The following REC114 variants were observed in gnomAD, a reference collection of about 807,000 sequenced individuals.
REC114 encodes meiotic recombination protein REC114.
A neutral mutation model predicts 31.3 loss-of-function variants in REC114; 27 were observed. The ratio of observed to expected loss-of-function variants is 0.86; its 90% confidence interval spans 0.64 to 1.19. The LOEUF (loss-of-function observed/expected upper bound fraction) is 1.19. REC114 is among the 50% of genes most tolerant of loss of function. REC114 has a pLI of 0.00. For synonymous variants in REC114, 134 were observed against 127.7 expected (o/e 1.05, Z -0.33); for missense variants, 344 against 326.9 (o/e 1.05, Z -0.40).
At chr15:73,551,233 C>T (rs1894388725) in intron 4 of REC114, 83 bp downstream of exon 4, 2 of 1,324,992 alleles carry the variant, frequency 1.5e-6, no homozygotes, top group Admixed American at 2.0e-5. Context: ...TGGAGTTTGT[C>T]AAGTCTGTTA....
intron 3 of REC114, among the ~76,000 whole-genome samples, chr15:73,544,972 C>T (rs568969449): frequency 2.6e-5 from 4 of 152,164 alleles, no homozygotes; most frequent in African/African-American, 9.7e-5. Flanking sequence ...CTGGGCTCCA[C>T]ATTTTCCAGG....
In REC114 at chr15:73,519,553, C is replaced by T. The variant is rs546754118; in HGVS notation, c.250-20932C>T. On this transcript the variant is annotated intron_variant, in intron 2 of 5. Transcript: ENST00000331090. ...GGGATTGTGAAATGGTGCAACCTCT[C>T]TGAAAAACACTATGGCATTTCCTCA... Among the ~76,000 whole-genome samples the T allele has an allele frequency of 2.6e-5, 4 of 152,322 alleles. No individual in the cohort carries two copies. The South Asian group carries it at 6.2e-4, about 24-fold the overall frequency.
chr15:73,465,505 A>G (rs1044267820), intron 1 of REC114, among the ~76,000 whole-genome samples: 1 of 152,056 alleles, frequency 6.6e-6, no homozygotes, highest in African/African-American at 2.4e-5. Context: ...ATATTGTAAC[A>G]TCTGTGTCCT....
intron 5 of REC114, among the ~76,000 whole-genome samples, chr15:73,558,559 C>T (rs1894511557): frequency 6.6e-6 from 1 of 152,206 alleles, no homozygotes; most frequent in South Asian, 2.1e-4. Flanking sequence ...AAAAGATGCT[C>T]AACATTATTA....
At chr15:73,514,767 A>G (rs1289202260) in intron 2 of REC114, among the ~76,000 whole-genome samples, 1 of 152,174 alleles carries the variant, frequency 6.6e-6, no homozygotes, top group Non-Finnish European at 1.5e-5. Context: ...AGTATACTTT[A>G]ATAACAATGA....
intron 2 of REC114, among the ~76,000 whole-genome samples, chr15:73,488,835 A>G (rs1306551470): frequency 6.6e-6 from 1 of 152,102 alleles, no homozygotes; most frequent in Non-Finnish European, 1.5e-5. Flanking sequence ...CTTTTCCAGC[A>G]TTCACTTCAA....
chr15:73,542,320 G>T (rs559482954), intron 3 of REC114, among the ~76,000 whole-genome samples: 12 of 132,526 alleles, frequency 9.1e-5, no homozygotes, highest in African/African-American at 3.2e-4. Flanking sequence ...AACAGAGCAA[G>T]ACTCTGTCTC....
At chr15:73,487,457 A>G (rs1342137182) in intron 2 of REC114, among the ~76,000 whole-genome samples, 1 of 152,228 alleles carries the variant, frequency 6.6e-6, no homozygotes, top group Non-Finnish European at 1.5e-5. Context: ...AGACATTCCC[A>G]TTTCAAAAGA....
At chr15:73,495,825 A>G (rs1893513456) in intron 2 of REC114, among the ~76,000 whole-genome samples, 2 of 152,142 alleles carry the variant, frequency 1.3e-5, no homozygotes, top group South Asian at 2.1e-4. Flanking sequence ...GTTATTTTTT[A>G]TATCACTAAT....
chr15:73,493,196 T>A (rs2141303908), intron 2 of REC114, among the ~76,000 whole-genome samples: 1 of 152,172 alleles, frequency 6.6e-6, no homozygotes, highest in Non-Finnish European at 1.5e-5. Context: ...TATTTCTAAT[T>A]TTTAGTAGAG....
At chr15:73,483,720 A>T (rs1010792701) in intron 2 of REC114, 4 of 152,254 alleles carry the variant, frequency 2.6e-5, no homozygotes, top group African/African-American at 7.2e-5. Flanking sequence ...AATTCCAGGG[A>T]TGGTCTGGTG....
At chr15:73,465,417 G>C (rs1399664377) in intron 1 of REC114, among the ~76,000 whole-genome samples, 1 of 152,100 alleles carries the variant, frequency 6.6e-6, no homozygotes, top group Non-Finnish European at 1.5e-5. Context: ...TCCTCCCCCA[G>C]CTACCTGGTT....
At chr15:73,464,752 C>T (rs973778203) in intron 1 of REC114, among the ~76,000 whole-genome samples, 1 of 152,194 alleles carries the variant, frequency 6.6e-6, no homozygotes, top group African/African-American at 2.4e-5. Context: ...ACAAGAACTG[C>T]AGCATTGTCT....
At chr15:73,502,962 A>G (rs576469970) in intron 2 of REC114, among the ~76,000 whole-genome samples, 2 of 152,334 alleles carry the variant, frequency 1.3e-5, no homozygotes, top group Non-Finnish European at 2.9e-5. Flanking sequence ...TTAAAACCCC[A>G]ATGAGATACC....
At chr15:73,538,030 T>A (rs1566947625) in intron 2 of REC114, among the ~76,000 whole-genome samples, 1 of 152,186 alleles carries the variant, frequency 6.6e-6, no homozygotes, top group East Asian at 1.9e-4. Context: ...CTGTCCAAGA[T>A]CAGTAGGAGT....
intron 2 of REC114, among the ~76,000 whole-genome samples, chr15:73,521,803 G>A (rs1226144295): frequency 6.6e-6 from 1 of 152,084 alleles, no homozygotes; most frequent in Non-Finnish European, 1.5e-5. Context: ...GTATATTAAG[G>A]AAACTTGTTT....
At chr15:73,546,988 A>G (rs1262357070) in intron 3 of REC114, among the ~76,000 whole-genome samples, 2 of 152,180 alleles carry the variant, frequency 1.3e-5, no homozygotes, top group African/African-American at 4.8e-5. Context: ...GAAACTCTCC[A>G]GGATGTTGAT....
chr15:73,481,833 G>C (rs1255241936), intron 2 of REC114, among the ~76,000 whole-genome samples: 6 of 151,636 alleles, frequency 4.0e-5, no homozygotes, highest in African/African-American at 1.5e-4. Flanking sequence ...GCTAATGTTT[G>C]TATTTTTAGT....
In REC114 at chr15:73,515,170, A is replaced by G. The variant is rs547946001; in HGVS notation, c.250-25315A>G. On this transcript the variant is annotated intron_variant, in intron 2 of 5. Transcript: ENST00000331090. Reference sequence around the variant, plus strand: ...TAGTCTCAAACTCCTGCATCAAGCAACCCTCCCACCTTGGCCTCCCAAAGT... The same window carrying G: ...TAGTCTCAAACTCCTGCATCAAGCAGCCCTCCCACCTTGGCCTCCCAAAGT... Among the ~76,000 whole-genome samples the G allele has an allele frequency of 4.4e-3, 673 of 151,520 alleles. 8 individuals are homozygous for G. Among genetic ancestry groups the G allele is most frequent in the African/African-American group, 0.016 (643 of 41,272 alleles).
Sources: allele counts gnomAD v4.1 joint callset (sites outside exome capture counted in the v4.1 genomes callset), GRCh38; gene constraint gnomAD v4.1.1; transcripts MANE v1.5; gene names NCBI Gene and HGNC (gene_info 2026-07-23, HGNC 2026-07-21).